ADGRB3: variants seen among roughly 807,000 people sequenced by gnomAD.
ADGRB3 encodes adhesion G protein-coupled receptor B3.
A neutral mutation model predicts 193.4 loss-of-function variants in ADGRB3; 37 were observed. The ratio of observed to expected loss-of-function variants is 0.19; its 90% confidence interval spans 0.15 to 0.25. The LOEUF is 0.25. Ranked by LOEUF, ADGRB3 falls within the 10% of genes least tolerant of loss-of-function variation. The pLI is 1.00. For missense variants in ADGRB3, 1,637 were observed against 1,852.9 expected (o/e 0.88, Z 2.14); for synonymous variants, 690 against 644.2 (o/e 1.07, Z -1.08).
intron 3 of ADGRB3, among the ~76,000 whole-genome samples, chr6:68,741,455 G>A (rs1765979692): frequency 6.6e-6 from 1 of 152,052 alleles, no homozygotes; most frequent in African/African-American, 2.4e-5. Flanking sequence ...ATGCCATCAT[G>A]GCTCAACTGC....
At chr6:69,292,546 C>T (rs1182860745) in intron 20 of ADGRB3, among the ~76,000 whole-genome samples, 1 of 152,074 alleles carries the variant, frequency 6.6e-6, no homozygotes, top group African/African-American at 2.4e-5. Context: ...TTCTTACTTC[C>T]TTCCACTCCC....
At chr6:69,137,880 GA>G (rs1190415265) in intron 17 of ADGRB3, among the ~76,000 whole-genome samples, 1 of 152,174 alleles carries the variant, frequency 6.6e-6, no homozygotes, top group Non-Finnish European at 1.5e-5. Context: ...CATGTTAACA[GA>G]ACAAATAGGT....
At chr6:69,357,917 G>T (rs1189687468) in intron 28 of ADGRB3, among the ~76,000 whole-genome samples, 3 of 151,834 alleles carry the variant, frequency 2.0e-5, no homozygotes, top group African/African-American at 7.2e-5. Context: ...CCATCCACCT[G>T]CCATAATTTC....
intron 3 of ADGRB3, among the ~76,000 whole-genome samples, chr6:68,882,299 G>A (rs1765754035): frequency 6.6e-6 from 1 of 152,020 alleles, no homozygotes; most frequent in Non-Finnish European, 1.5e-5. Context: ...ACTCAATATT[G>A]GTAATGTATG....
chr6:69,274,173 C>G (rs879439591), intron 20 of ADGRB3, among the ~76,000 whole-genome samples: 3 of 152,300 alleles, frequency 2.0e-5, no homozygotes, highest in South Asian at 4.1e-4. Context: ...CCAAGTTACA[C>G]TTTAAAATTT....
chr6:68,895,872 A>G (rs774102230), intron 3 of ADGRB3, among the ~76,000 whole-genome samples: 29 of 152,090 alleles, frequency 1.9e-4, no homozygotes, highest in Non-Finnish European at 5.9e-5. Context: ...AGACAAAAAC[A>G]TATAAAATAT....
intron 3 of ADGRB3, among the ~76,000 whole-genome samples, chr6:68,784,134 T>G (rs528156640): frequency 6.6e-6 from 1 of 152,244 alleles, no homozygotes; most frequent in Non-Finnish European, 1.5e-5. Flanking sequence ...ACATATATTT[T>G]CACATATGAT....
intron 3 of ADGRB3, among the ~76,000 whole-genome samples, chr6:68,849,325 T>A (rs1768350829): frequency 6.6e-6 from 1 of 151,676 alleles, no homozygotes; most frequent in African/African-American, 2.4e-5. Context: ...AGCTACACAT[T>A]TAAGTTAAAT....
intron 17 of ADGRB3, among the ~76,000 whole-genome samples, chr6:69,185,856 A>G (rs977885093): frequency 1.3e-5 from 2 of 152,148 alleles, no homozygotes; most frequent in Non-Finnish European, 2.9e-5. Flanking sequence ...TCTGGTATCT[A>G]ATTCATTTTG....
intron 24 of ADGRB3, among the ~76,000 whole-genome samples, chr6:69,334,714 GA>G (rs1768808249): frequency 6.6e-6 from 1 of 152,184 alleles, no homozygotes; most frequent in Non-Finnish European, 1.5e-5. Flanking sequence ...TACTGGGATA[GA>G]AACTCAGTTC....
At chr6:69,096,368 T>G (rs1157425597) in intron 17 of ADGRB3, among the ~76,000 whole-genome samples, 193 of 150,996 alleles carry the variant, frequency 1.3e-3, no homozygotes, top group African/African-American at 4.4e-3. Context: ...TTTGGGTTTT[T>G]TTTTTTTTTT....
At chr6:69,186,272 A>G (rs1226625292) in intron 17 of ADGRB3, among the ~76,000 whole-genome samples, 1 of 152,078 alleles carries the variant, frequency 6.6e-6, no homozygotes, top group Non-Finnish European at 1.5e-5. Flanking sequence ...GCCACAAATA[A>G]GCTAAAAGGC....
At chr6:68,978,438 C>A (rs1323405339) in intron 10 of ADGRB3, among the ~76,000 whole-genome samples, 2 of 151,484 alleles carry the variant, frequency 1.3e-5, no homozygotes, top group African/African-American at 4.8e-5. Context: ...GAAATATACA[C>A]ACACATTTGT....
At position 69,182,942 on chromosome 6, in the gene ADGRB3, C is replaced by T. The variant is rs959939305; in HGVS notation, c.2481-50348C>T. Among the ~76,000 whole-genome samples the T allele has an allele frequency of 2.0e-5, 3 of 152,188 alleles. No homozygotes were observed. In the South Asian group the frequency reaches 6.2e-4, roughly 32 times the overall value. On this transcript the variant is annotated intron_variant, in intron 17 of 31. Transcript: ENST00000370598. ...CACTGGATGAAATATTAAAACCAAG[C>T]ATGTCAATCTTGTTTTTTTAACCTT...
At chr6:68,638,608 C>A (rs571499652) in intron 2 of ADGRB3, 53 bp from the exon 3 acceptor site, 1 of 1,478,164 alleles carries the variant, frequency 6.8e-7, no homozygotes, top group African/African-American at 1.4e-5. Context: ...AGTTTATTTT[C>A]TCAATGCACG....
intron 3 of ADGRB3, among the ~76,000 whole-genome samples, chr6:68,676,855 A>T (rs1375324025): frequency 2.6e-5 from 4 of 152,200 alleles, no homozygotes; most frequent in Non-Finnish European, 5.9e-5. Flanking sequence ...AACGAAAGTG[A>T]CTAGCTTCTT....
At chr6:69,165,667 T>C (rs554672233) in intron 17 of ADGRB3, among the ~76,000 whole-genome samples, 5 of 152,222 alleles carry the variant, frequency 3.3e-5, no homozygotes. Context: ...CTTTGCATAC[T>C]CTAGAGTTGC....
chr6:68,668,917 C>CT (rs1768869287), intron 3 of ADGRB3, among the ~76,000 whole-genome samples: 1 of 151,916 alleles, frequency 6.6e-6, no homozygotes, highest in Non-Finnish European at 1.5e-5. Flanking sequence ...ATAAGGAAAA[C>CT]TTTATAAAGT....
intron 3 of ADGRB3, among the ~76,000 whole-genome samples, chr6:68,852,213 T>A (rs531045852): frequency 1.1e-3 from 167 of 152,002 alleles, no homozygotes; most frequent in Middle Eastern, 3.4e-3. Flanking sequence ...GTGTCCAGAT[T>A]TATCCATTTA....
Sources: gnomAD v4.1 joint callset for allele counts (sites outside exome capture counted in the v4.1 genomes callset) on GRCh38, gnomAD v4.1.1 for gene constraint, MANE v1.5 for transcripts, NCBI Gene and HGNC (gene_info 2026-07-23, HGNC 2026-07-21) for gene names.